Variants in KITLG observed in about 807,000 individuals in gnomAD.
The protein encoded by KITLG is KIT ligand, also known as c-Kit ligand.
In KITLG, 13 loss-of-function variants were observed where a neutral mutation model predicts 34.1. That is an observed-to-expected ratio of 0.38 (90% CI 0.25 to 0.61). The LOEUF (loss-of-function observed/expected upper bound fraction) is 0.61. Among genes scored for constraint, KITLG ranks in the 20% least tolerant of loss-of-function variants. The pLI is 0.60. For synonymous variants in KITLG, 110 were observed against 104.0 expected (o/e 1.06, Z -0.35); for missense variants, 292 against 318.9 (o/e 0.92, Z 0.64).
At position 88,518,882 on chromosome 12, in the gene KITLG, A is replaced by G. The variant is rs749141026; in HGVS notation, c.193-15T>C. On this transcript the variant is annotated splice_polypyrimidine_tract_variant and intron_variant, in intron 3 of 9. Coordinates refer to ENST00000644744, the MANE Select transcript of KITLG (RefSeq NM_000899.5). ...CAATGACTTGGCTGCAAGATATGAAAAAAGAGACAAAACAGCTATTTTAAT... is the reference window on the plus strand; with the variant it reads ...CAATGACTTGGCTGCAAGATATGAAGAAAGAGACAAAACAGCTATTTTAAT... The G allele has an allele frequency of 1.9e-6, 3 of 1,611,296 alleles. No homozygotes were observed. Among genetic ancestry groups the G allele is most frequent in the Non-Finnish European group, 2.5e-6 (3 of 1,178,412 alleles).
At chr12:88,542,776 G>C (rs992495889) in intron 2 of KITLG, among the ~76,000 whole-genome samples, 7 of 152,028 alleles carry the variant, frequency 4.6e-5, no homozygotes, top group Non-Finnish European at 7.4e-5. Flanking sequence ...TTGAGATTCG[G>C]TATAGTGATG....
intron 2 of KITLG, among the ~76,000 whole-genome samples, chr12:88,538,162 T>G (rs150668002): frequency 4.6e-5 from 7 of 152,154 alleles, no homozygotes; most frequent in Non-Finnish European, 1.0e-4. Flanking sequence ...ACAGTCTAGA[T>G]AGAGGAAGGG....
At chr12:88,551,222 A>G (rs1766335287) in intron 1 of KITLG, among the ~76,000 whole-genome samples, 1 of 152,216 alleles carries the variant, frequency 6.6e-6, no homozygotes, top group Non-Finnish European at 1.5e-5. Context: ...TCATTCTGGC[A>G]TAGCTAAACA....
Position 88,550,054 on chromosome 12 carries a change from G to A in KITLG, c.16-4189C>T, listed in dbSNP as rs535402725. ...GTCACTGGTAATATTAACAAGAGCAGTTTTATTGAAGTGGTATGGGAAAAA... is the reference window on the plus strand; with the variant it reads ...GTCACTGGTAATATTAACAAGAGCAATTTTATTGAAGTGGTATGGGAAAAA... On this transcript the variant is annotated intron_variant, in intron 1 of 9. Coordinates refer to ENST00000644744, the MANE Select transcript of KITLG (RefSeq NM_000899.5). Among the ~76,000 whole-genome samples the A allele has an allele frequency of 5.3e-5, 8 of 152,314 alleles. No homozygotes were observed. The South Asian group carries it at 1.7e-3, about 32-fold the overall frequency.
intron 2 of KITLG, among the ~76,000 whole-genome samples, chr12:88,542,917 T>C (rs969300501): frequency 6.6e-6 from 1 of 152,170 alleles, no homozygotes; most frequent in Non-Finnish European, 1.5e-5. Flanking sequence ...ACAACACAGA[T>C]GATAACTAGT....
chr12:88,565,332 CA>C (rs1467968348), intron 1 of KITLG, among the ~76,000 whole-genome samples: 1 of 152,032 alleles, frequency 6.6e-6, no homozygotes, highest in African/African-American at 2.4e-5. Flanking sequence ...TATTATGTAT[CA>C]AAAAAAATCT....
At chr12:88,527,504 A>T (rs916378362) in intron 3 of KITLG, among the ~76,000 whole-genome samples, 2 of 152,240 alleles carry the variant, frequency 1.3e-5, no homozygotes, top group African/African-American at 4.8e-5. Flanking sequence ...GCTGCCAATC[A>T]CTTCCATATT....
chr12:88,522,412 ATTAGATGCACAGTCTTT>A lies in KITLG; in HGVS notation c.193-3562_193-3546del, dbSNP rs1409486117. The stretch of plus-strand genomic sequence containing the variant: ...ATTTGACACATTATTCCACATTGGT[ATTAGATGCACAGTCTTT>A]TTTTTTTTTTTTTTTTTGAGACAGT... On this transcript the variant is annotated intron_variant, in intron 3 of 9. Transcript: ENST00000644744. Among the ~76,000 whole-genome samples the A allele has an allele frequency of 1.4e-4, 21 of 145,762 alleles. 1 individual carries two copies. Among genetic ancestry groups the A allele is most frequent in the Middle Eastern group, 7.2e-3 (2 of 278 alleles).
intron 3 of KITLG, among the ~76,000 whole-genome samples, chr12:88,522,709 T>C (rs1347368496): frequency 6.6e-6 from 1 of 151,948 alleles, no homozygotes; most frequent in East Asian, 1.9e-4. Context: ...ATTACAGGAG[T>C]GAGCCACCGC....
intron 1 of KITLG, among the ~76,000 whole-genome samples, chr12:88,556,471 G>A (rs1412261037): frequency 6.6e-6 from 1 of 152,170 alleles, no homozygotes; most frequent in East Asian, 1.9e-4. Context: ...GATGATAAGG[G>A]CCTTAACTAG....
chr12:88,575,247 TA>T, intron 1 of KITLG, among the ~76,000 whole-genome samples: 1 of 152,164 alleles, frequency 6.6e-6, no homozygotes. Context: ...TTATCCAGGT[TA>T]ATAAAAGAAA....
chr12:88,540,897 A>T (rs1434451854), intron 2 of KITLG, among the ~76,000 whole-genome samples: 1 of 152,154 alleles, frequency 6.6e-6, no homozygotes, highest in Non-Finnish European at 1.5e-5. Flanking sequence ...CAACCTAATA[A>T]AATAAAATTT....
chr12:88,508,980 T>TA (rs779696855), intron 6 of KITLG, among the ~76,000 whole-genome samples: 1 of 152,162 alleles, frequency 6.6e-6, no homozygotes, highest in Non-Finnish European at 1.5e-5. Context: ...TTAATAATAC[T>TA]GTTTGTAAAT....
intron 2 of KITLG, among the ~76,000 whole-genome samples, chr12:88,541,777 G>A (rs960631051): frequency 2.0e-5 from 3 of 152,068 alleles, no homozygotes; most frequent in Admixed American, 6.6e-5. Context: ...TAAAAACCAC[G>A]GGGACCGTGG....
chr12:88,514,242 A>G (rs1221982070), intron 6 of KITLG, among the ~76,000 whole-genome samples: 3 of 151,768 alleles, frequency 2.0e-5, no homozygotes, highest in Admixed American at 2.0e-4. Context: ...AAAATCAATG[A>G]TCTAATTTTT....
intron 1 of KITLG, among the ~76,000 whole-genome samples, chr12:88,570,899 C>T (rs936291634): frequency 6.6e-6 from 1 of 152,204 alleles, no homozygotes; most frequent in Admixed American, 6.5e-5. Context: ...TCTTATATTT[C>T]CTTATTCAGT....
At chr12:88,501,879 A>AT (rs1362190546) in intron 9 of KITLG, among the ~76,000 whole-genome samples, 1 of 152,174 alleles carries the variant, frequency 6.6e-6, no homozygotes, top group Non-Finnish European at 1.5e-5. Flanking sequence ...TGTGCACAGT[A>AT]TAAGTGACAT....
chr12:88,494,816 T>C lies in KITLG; in HGVS notation c.*2403A>G, dbSNP rs1868558910. On this transcript the variant is annotated 3_prime_UTR_variant, in exon 10 of 10. Coordinates refer to ENST00000644744, the MANE Select transcript of KITLG (RefSeq NM_000899.5). ...CTGAAAAGGCGATTTCATGGTTTAC[T>C]ATCTCAGCAGTGAGTTTTCCATGAT... is the stretch of plus-strand genomic sequence containing the variant. 1 of 152,150 alleles carries C rather than the reference T, an allele frequency of 6.6e-6. No individual in the cohort carries two copies. The highest frequency in any genetic ancestry group is 2.4e-5 in the African/African-American group (1 of 41,452). 9.4% of individuals were successfully genotyped at this position (152,150 alleles called of 1,614,324 possible).
intron 1 of KITLG, among the ~76,000 whole-genome samples, chr12:88,568,015 A>T (rs1871503261): frequency 6.6e-6 from 1 of 152,156 alleles, no homozygotes; most frequent in African/African-American, 2.4e-5. Flanking sequence ...GAAAATTTAT[A>T]TTTTTTATTG....
Sources: gnomAD v4.1 joint callset for allele counts (sites outside exome capture counted in the v4.1 genomes callset) on GRCh38, gnomAD v4.1.1 for gene constraint, MANE v1.5 for transcripts, NCBI Gene and HGNC (gene_info 2026-07-23, HGNC 2026-07-21) for gene names.